MNAT1: variants seen among roughly 807,000 people sequenced by gnomAD.
MNAT1 encodes MNAT1 component of CDK activating kinase, also known as CDK-activating kinase assembly factor MAT1.
A neutral mutation model predicts 42.0 loss-of-function variants in MNAT1; 43 were observed. The ratio of observed to expected loss-of-function variants is 1.02; its 90% CI spans 0.80 to 1.32. The LOEUF is 1.32. Ranked by LOEUF, MNAT1 falls within the 40% of genes most tolerant of loss-of-function variation. The pLI is 0.00. For missense variants in MNAT1, 306 were observed against 350.4 expected, an observed-to-expected ratio of 0.87 and a Z score of 1.01; for synonymous variants, 118 against 120.0, an observed-to-expected ratio of 0.98 and a Z score of 0.11.
At chr14:60,861,211 GCTT>G (rs948410406) in intron 6 of MNAT1, among the ~76,000 whole-genome samples, 17 of 152,110 alleles carry the variant, frequency 1.1e-4, no homozygotes, top group South Asian at 4.1e-4. Flanking sequence ...AAAAGTAATT[GCTT>G]TTTTCCAAAA....
intron 7 of MNAT1, among the ~76,000 whole-genome samples, chr14:60,885,274 G>A (rs1292407971): frequency 3.3e-5 from 5 of 151,544 alleles, no homozygotes; most frequent in Non-Finnish European, 5.9e-5. Context: ...ATGAATAAAC[G>A]TTCTACCCTC....
intron 6 of MNAT1, among the ~76,000 whole-genome samples, chr14:60,866,325 T>C (rs897656581): frequency 2.0e-5 from 3 of 149,280 alleles, no homozygotes; most frequent in African/African-American, 7.4e-5. Flanking sequence ...TTTTTTTTTT[T>C]TGCCTTAATC....
chr14:60,837,900 C>T (rs975641789), intron 6 of MNAT1, among the ~76,000 whole-genome samples: 4 of 152,150 alleles, frequency 2.6e-5, no homozygotes, highest in African/African-American at 4.8e-5. Context: ...CATTATAAGA[C>T]GGTTCTTAAG....
Position 60,833,636 on chromosome 14 carries a change from T to G in MNAT1, c.687+14789T>G, listed in dbSNP as rs572929491. Among the ~76,000 whole-genome samples, 57 of 152,266 alleles carry G rather than the reference T, an allele frequency of 3.7e-4. 1 individual carries two copies. Among genetic ancestry groups the G allele is most frequent in the Non-Finnish European group, 7.2e-4 (49 of 68,016 alleles). ...TTCATTGGGGATATTGGCCTGAAAT[T>G]TTCTTTTTTTGTTGTGTCTCTGCCA... is the stretch of plus-strand genomic sequence containing the variant. On this transcript the variant is annotated intron_variant, in intron 6 of 7. Transcript: ENST00000261245.
intron 7 of MNAT1, among the ~76,000 whole-genome samples, chr14:60,929,168 AAAATATAT>A (rs1351913196): frequency 1.8e-3 from 154 of 86,086 alleles, no homozygotes; most frequent in African/African-American, 8.7e-3. Context: ...AAAAAAAAAA[AAAATATAT>A]ATATATATAT....
chr14:60,819,893 G>A (rs1275939473), intron 6 of MNAT1, among the ~76,000 whole-genome samples: 3 of 152,150 alleles, frequency 2.0e-5, no homozygotes, highest in Admixed American at 2.0e-4. Context: ...AAAGTACACA[G>A]TATAGTACTT....
intron 3 of MNAT1, among the ~76,000 whole-genome samples, chr14:60,802,045 C>T (rs1480341795): frequency 6.6e-6 from 1 of 152,118 alleles, no homozygotes; most frequent in Non-Finnish European, 1.5e-5. Context: ...ATGGCATGGT[C>T]TCACTTATAT....
At chr14:60,842,640 C>CAA (rs2033582236) in intron 6 of MNAT1, among the ~76,000 whole-genome samples, 1 of 152,060 alleles carries the variant, frequency 6.6e-6, no homozygotes, top group African/African-American at 2.4e-5. Context: ...TATTTTGAGA[C>CAA]TTGTTTTTGT....
chr14:60,767,758 A>T (rs534526217), intron 1 of MNAT1, among the ~76,000 whole-genome samples: 9 of 101,708 alleles, frequency 8.8e-5, no homozygotes, highest in African/African-American at 2.7e-4. Flanking sequence ...ATGCCACCAC[A>T]CTTGGCTATT....
chr14:60,946,136 T>C (rs576197516), intron 7 of MNAT1, among the ~76,000 whole-genome samples: 54 of 152,326 alleles, frequency 3.5e-4, no homozygotes, highest in African/African-American at 1.3e-3. Flanking sequence ...TCCCTCCCTC[T>C]TTCAGATTGA....
At chr14:60,881,248 A>T (rs1252713405) in intron 7 of MNAT1, among the ~76,000 whole-genome samples, 2 of 152,038 alleles carry the variant, frequency 1.3e-5, no homozygotes, top group Non-Finnish European at 2.9e-5. Flanking sequence ...GCAGTGGTGC[A>T]ATCTTGGCTC....
intron 1 of MNAT1, among the ~76,000 whole-genome samples, chr14:60,767,571 C>A (rs1443236628): frequency 6.6e-6 from 1 of 151,572 alleles, no homozygotes; most frequent in Non-Finnish European, 1.5e-5. Context: ...AAGAACAGTT[C>A]AGTTTTTTTT....
intron 1 of MNAT1, among the ~76,000 whole-genome samples, chr14:60,735,645 G>T (rs927033228): frequency 3.9e-5 from 6 of 152,206 alleles, no homozygotes; most frequent in African/African-American, 1.4e-4. Context: ...ACTGCTCAAG[G>T]TCCCTTATTA....
chr14:60,879,799 C>T lies in MNAT1; in HGVS notation c.773C>T (p.Pro258Leu). Reference protein sequence around the residue: ...YQPLQIETYGPHVPELEMLGR... With the variant: ...YQPLQIETYGLHVPELEMLGR... ...CCACTGCAGATAGAGACATATGGAC[C>T]ACATGTTCCTGAGCTTGAGATGCTA... Residue 258 changes from proline (P) to leucine (L), a missense_variant, in exon 7 of 8, where the codon CCA becomes CTA. Physicochemically the swap from Pro to Leu is moderately conservative, Grantham distance 98. This residue lies in a region of MNAT1 where 116 missense variants were observed against 139.6 expected (regional missense o/e 0.83). Coordinates refer to ENST00000261245, the MANE Select transcript of MNAT1 (RefSeq NM_002431.4). 5 of 1,613,096 alleles carry T rather than the reference C, an allele frequency of 3.1e-6. No homozygotes were observed. The highest frequency in any genetic ancestry group is 1.3e-5 in the African/African-American group (1 of 75,004).
intron 6 of MNAT1, among the ~76,000 whole-genome samples, 153 bp from the exon 7 acceptor site, chr14:60,879,561 G>A (rs1447845223): frequency 6.6e-6 from 1 of 152,020 alleles, no homozygotes; most frequent in Non-Finnish European, 1.5e-5. Context: ...GTGGGTTTTG[G>A]TTATGCTGCA....
chr14:60,823,771 A>G (rs2032973461), intron 6 of MNAT1, among the ~76,000 whole-genome samples: 1 of 152,184 alleles, frequency 6.6e-6, no homozygotes, highest in South Asian at 2.1e-4. Context: ...AGGCAGGAGA[A>G]TTGCTTGAAC....
chr14:60,913,739 T>TG (rs1033575702), intron 7 of MNAT1, among the ~76,000 whole-genome samples: 89 of 152,258 alleles, frequency 5.8e-4, no homozygotes, highest in African/African-American at 2.1e-3. Context: ...CTGCCCCTAC[T>TG]GGGGGGTACC....
intron 7 of MNAT1, among the ~76,000 whole-genome samples, chr14:60,933,032 G>A (rs773666772): frequency 1.3e-5 from 2 of 151,936 alleles, no homozygotes; most frequent in African/African-American, 2.4e-5. Context: ...ACCCTAGGCA[G>A]GTAACCTACC....
chr14:60,967,304 G>T (rs1347457795), intron 7 of MNAT1, among the ~76,000 whole-genome samples: 1 of 152,174 alleles, frequency 6.6e-6, no homozygotes, highest in Non-Finnish European at 1.5e-5. Flanking sequence ...AGTGAAAAAG[G>T]TTCCAAGTTA....
Sources: gnomAD v4.1 joint callset for allele counts (sites outside exome capture counted in the v4.1 genomes callset) on GRCh38, gnomAD v4.1.1 for gene constraint, gnomAD v4.1.1 regional missense constraint, MANE v1.5 for transcripts, NCBI Gene and HGNC (gene_info 2026-07-23, HGNC 2026-07-21) for gene names.